FMN2: variants seen among roughly 807,000 people sequenced by gnomAD.
FMN2 encodes formin-2.
A neutral mutation model predicts 142.3 loss-of-function variants in FMN2; 51 were observed. The ratio of observed to expected loss-of-function variants is 0.36; its 90% CI spans 0.29 to 0.45. The LOEUF (loss-of-function observed/expected upper bound fraction) is 0.45. Ranked by LOEUF, FMN2 falls within the 20% of genes least tolerant of loss-of-function variation. The pLI is 1.00. For synonymous variants in FMN2, 882 were observed against 869.8 expected (o/e 1.01, Z -0.25); for missense variants, 1,936 against 2,122.8 (o/e 0.91, Z 1.73).
chr1:240,334,046 T>A, intron 12 of FMN2, 63 bp from the exon 13 acceptor site: 1 of 1,571,282 alleles, frequency 6.4e-7, no homozygotes. Flanking sequence ...ACATACCTGC[T>A]ATTATTCTTT....
chr1:240,263,801 A>G (rs1019136437), intron 7 of FMN2, among the ~76,000 whole-genome samples: 3 of 152,206 alleles, frequency 2.0e-5, no homozygotes, highest in Admixed American at 2.0e-4. Context: ...AATATACTGC[A>G]GGGATACCCA....
chr1:240,473,367 C>T lies in FMN2; in HGVS notation c.5143-761C>T, dbSNP rs1676872691. Among the ~76,000 whole-genome samples the T allele has an allele frequency of 6.6e-6, 1 of 152,106 alleles. No individual in the cohort carries two copies. Among genetic ancestry groups the T allele is most frequent in the South Asian group, 2.1e-4 (1 of 4,820 alleles). ...CTTGGTTAAAATGACAAGGCTTTTC[C>T]TTGTGATACTGAGGATGTTTTGTTG... On this transcript the variant is annotated intron_variant, in intron 17 of 17. Transcript: ENST00000319653. This position sits in a 1 kb window ranked among gnomAD's most constrained non-coding sequence, Gnocchi z 4.3.
intron 8 of FMN2, among the ~76,000 whole-genome samples, chr1:240,301,888 A>G (rs1190910406): frequency 6.8e-6 from 1 of 147,346 alleles, no homozygotes; most frequent in Non-Finnish European, 1.5e-5. Context: ...CCTGATTATA[A>G]TTGTGATTTT....
At chr1:240,444,730 T>C (rs536995621) in intron 16 of FMN2, among the ~76,000 whole-genome samples, 1 of 152,362 alleles carries the variant, frequency 6.6e-6, no homozygotes, top group African/African-American at 2.4e-5. Flanking sequence ...CCTCGTGCCT[T>C]GTTAACATTT....
intron 8 of FMN2, among the ~76,000 whole-genome samples, chr1:240,322,200 T>TA (rs35145235): frequency 2.0e-5 from 3 of 151,620 alleles, no homozygotes; most frequent in South Asian, 2.1e-4. Context: ...TACTATGGTT[T>TA]AAAAAAAAAT....
At chr1:240,131,555 C>A (rs963576351) in intron 2 of FMN2, among the ~76,000 whole-genome samples, 28 of 152,114 alleles carry the variant, frequency 1.8e-4, no homozygotes, top group African/African-American at 6.5e-4. Context: ...ACTAAAAATA[C>A]AAAATTAGCC....
intron 16 of FMN2, among the ~76,000 whole-genome samples, chr1:240,440,994 CTTTT>C (rs11358093): frequency 0.14 from 17,492 of 127,514 alleles, 1,386 homozygotes; most frequent in East Asian, 0.32. Flanking sequence ...TTGGTGTAAA[CTTTT>C]TTTTTTTTTT....
At chr1:240,457,822 G>A (rs1419397111) in intron 16 of FMN2, 1 of 152,448 alleles carries the variant, frequency 6.6e-6, no homozygotes, top group East Asian at 1.9e-4. Context: ...CGGAGAGGGA[G>A]CATTGGGGCC....
chr1:240,300,197 C>G (rs942690170), intron 8 of FMN2, among the ~76,000 whole-genome samples: 4 of 152,182 alleles, frequency 2.6e-5, no homozygotes, highest in Non-Finnish European at 4.4e-5. Context: ...TTCTAACTAC[C>G]TCTTTTCATT....
chr1:240,393,219 C>G (rs1558468653), intron 15 of FMN2, among the ~76,000 whole-genome samples: 1 of 152,024 alleles, frequency 6.6e-6, no homozygotes, highest in East Asian at 1.9e-4. Flanking sequence ...CTGCTTCTAG[C>G]AAGTCTATCG....
intron 6 of FMN2, among the ~76,000 whole-genome samples, chr1:240,234,542 A>G (rs968672000): frequency 5.3e-5 from 8 of 152,164 alleles, no homozygotes; most frequent in Non-Finnish European, 1.2e-4. Flanking sequence ...CTTTTCCACC[A>G]CAAAGAGACA....
rs552585962 is a variant in FMN2, at chr1:240,371,930, C to T, written c.4858+16022C>T. On this transcript the variant is annotated intron_variant, in intron 14 of 17. Transcript: ENST00000319653. ...AAAATCTAAGTGAAACACTGCTAAA[C>T]CATGTTAACTTATGAGAAGGGTCAG... 1.4e-4 allele frequency among the ~76,000 whole-genome samples: 22 copies of T among 152,252 alleles called. No individual in the cohort carries two copies. The South Asian group carries it at 3.7e-3, about 26-fold the overall frequency.
intron 8 of FMN2, among the ~76,000 whole-genome samples, chr1:240,320,493 A>T (rs141315499): frequency 6.6e-6 from 1 of 152,342 alleles, no homozygotes; most frequent in East Asian, 1.9e-4. Context: ...TATCTGAAAG[A>T]GATTTTGAAA....
intron 8 of FMN2, among the ~76,000 whole-genome samples, chr1:240,312,961 C>T (rs1267665022): frequency 6.6e-6 from 1 of 152,144 alleles, no homozygotes; most frequent in Admixed American, 6.6e-5. Context: ...TTTAGAACTC[C>T]CCAGCACTTC....
chr1:240,352,738 T>TA (rs1375431307), intron 13 of FMN2, among the ~76,000 whole-genome samples: 1 of 152,226 alleles, frequency 6.6e-6, no homozygotes, highest in African/African-American at 2.4e-5. Context: ...TCAGTATCCT[T>TA]ACACAGTTTT....
intron 4 of FMN2, among the ~76,000 whole-genome samples, chr1:240,189,891 G>A (rs1665635841): frequency 6.6e-6 from 1 of 151,986 alleles, no homozygotes; most frequent in Admixed American, 6.5e-5. Flanking sequence ...TTTTTTTGGT[G>A]TGGAAAGCAT....
At chr1:240,154,107 CAAAAAAAAA>C (rs3047182) in intron 2 of FMN2, among the ~76,000 whole-genome samples, 4 of 55,318 alleles carry the variant, frequency 7.2e-5, no homozygotes, top group African/African-American at 1.3e-4. Flanking sequence ...GAGATTCCAT[CAAAAAAAAA>C]AAAAAAAAAA....
At chr1:240,348,378 T>C (rs1176389774) in intron 13 of FMN2, among the ~76,000 whole-genome samples, 1 of 151,938 alleles carries the variant, frequency 6.6e-6, no homozygotes, top group Non-Finnish European at 1.5e-5. Flanking sequence ...CCCGCCACCA[T>C]GCCCAGCTAA....
chr1:240,327,222 G>A (rs1222654276), intron 8 of FMN2, among the ~76,000 whole-genome samples: 5 of 152,132 alleles, frequency 3.3e-5, no homozygotes, highest in Non-Finnish European at 7.4e-5. Context: ...GTATTCTTTT[G>A]ACGCATCACA....
Sources: gnomAD v4.1 joint callset for allele counts (sites outside exome capture counted in the v4.1 genomes callset) on GRCh38, gnomAD v4.1.1 for gene constraint, Gnocchi (gnomAD v3.1) non-coding constraint, MANE v1.5 for transcripts, NCBI Gene and HGNC (gene_info 2026-07-23, HGNC 2026-07-21) for gene names.